Variants in PAK1 observed in about 807,000 individuals in gnomAD.
The protein encoded by PAK1 is p21 (RAC1) activated kinase 1.
A neutral mutation model predicts 67.4 loss-of-function variants in PAK1; 29 were observed. The ratio of observed to expected loss-of-function variants is 0.43; its 90% CI spans 0.32 to 0.59. The LOEUF is 0.59. Ranked by LOEUF, PAK1 falls within the 20% of genes least tolerant of loss-of-function variation. PAK1 has a pLI of 0.07. For missense variants in PAK1, 337 were observed against 670.7 expected (o/e 0.50, Z 5.50); for synonymous variants, 223 against 237.4 (o/e 0.94, Z 0.56).
At chr11:77,528,626 T>A in the PAK1 span, among the ~76,000 whole-genome samples, 2 of 152,224 alleles carry the variant, frequency 1.3e-5, no homozygotes, top group Non-Finnish European at 2.9e-5. Flanking sequence ...ATTACAGGCA[T>A]CAGCCACCAC....
intron 1 of PAK1, among the ~76,000 whole-genome samples, chr11:77,461,373 G>A (rs998797632): frequency 1.3e-5 from 2 of 152,164 alleles, no homozygotes; most frequent in Non-Finnish European, 1.5e-5. Flanking sequence ...ATCAGCTGAC[G>A]TTAAGTAAAG....
chr11:77,350,184 T>C (rs1945040393), intron 8 of PAK1, among the ~76,000 whole-genome samples: 1 of 152,198 alleles, frequency 6.6e-6, no homozygotes, highest in Non-Finnish European at 1.5e-5. Context: ...CAACAGGATA[T>C]GTGAATTTTG....
At chr11:77,399,873 A>AAG (rs1952412931) in intron 1 of PAK1, among the ~76,000 whole-genome samples, 1 of 148,876 alleles carries the variant, frequency 6.7e-6, no homozygotes, top group African/African-American at 2.5e-5. Flanking sequence ...AAAAAAAAAA[A>AAG]AAAAAAAAAA....
intron 1 of PAK1, among the ~76,000 whole-genome samples, chr11:77,407,978 A>T (rs1953877419): frequency 6.6e-6 from 1 of 151,926 alleles, no homozygotes; most frequent in Admixed American, 6.6e-5. Flanking sequence ...ATATAGGAAA[A>T]CTCTTTGTAC....
chr11:77,339,914 C>A (rs1431422669), intron 11 of PAK1, among the ~76,000 whole-genome samples: 1 of 151,996 alleles, frequency 6.6e-6, no homozygotes, highest in African/African-American at 2.4e-5. Flanking sequence ...CAGCAAAACA[C>A]CCAATATCCT....
chr11:77,356,931 A>C (rs1946110866), intron 6 of PAK1, among the ~76,000 whole-genome samples: 1 of 152,194 alleles, frequency 6.6e-6, no homozygotes, highest in African/African-American at 2.4e-5. Flanking sequence ...TATTTAACAG[A>C]TTTTATCATA....
At chr11:77,359,057 G>A (rs1303388117) in intron 5 of PAK1, 40 bp from the exon 6 acceptor site, 1 of 1,595,950 alleles carries the variant, frequency 6.3e-7, no homozygotes. Flanking sequence ...TGGTCCAGCT[G>A]CCATGGAACT....
the PAK1 span, among the ~76,000 whole-genome samples, chr11:77,527,222 C>T: frequency 6.6e-6 from 1 of 152,088 alleles, no homozygotes; most frequent in Non-Finnish European, 1.5e-5. Context: ...CCCATCTCAG[C>T]CTCCTGAGTA....
At chr11:77,331,821 AAAG>A (rs1384484330) in intron 14 of PAK1, among the ~76,000 whole-genome samples, 1 of 151,652 alleles carries the variant, frequency 6.6e-6, no homozygotes, top group Non-Finnish European at 1.5e-5. Context: ...AATTAAAAAA[AAAG>A]AAAGAAAAAT....
At chr11:77,451,147 T>C (rs1249202452) in intron 1 of PAK1, among the ~76,000 whole-genome samples, 1 of 152,236 alleles carries the variant, frequency 6.6e-6, no homozygotes, top group African/African-American at 2.4e-5. Context: ...GCCACCACTT[T>C]GATTCTTTAT....
At chr11:77,458,164 T>G (rs1957163497) in intron 1 of PAK1, among the ~76,000 whole-genome samples, 1 of 152,182 alleles carries the variant, frequency 6.6e-6, no homozygotes, top group South Asian at 2.1e-4. Flanking sequence ...CTTAGTAAAT[T>G]TTTTTAAAAT....
At chr11:77,407,385 G>C (rs1381399202) in intron 1 of PAK1, among the ~76,000 whole-genome samples, 1 of 152,130 alleles carries the variant, frequency 6.6e-6, no homozygotes, top group Non-Finnish European at 1.5e-5. Context: ...GGAGGATTGA[G>C]GTTCAATCCT....
At chr11:77,404,569 T>C (rs1953194502) in intron 1 of PAK1, among the ~76,000 whole-genome samples, 1 of 152,122 alleles carries the variant, frequency 6.6e-6, no homozygotes, top group Non-Finnish European at 1.5e-5. Flanking sequence ...ACCCGGCCAA[T>C]GAGCTTACTT....
At chr11:77,471,102 G>A (rs1957832411) in intron 1 of PAK1, among the ~76,000 whole-genome samples, 1 of 152,146 alleles carries the variant, frequency 6.6e-6, no homozygotes. Flanking sequence ...CCTGCTATAT[G>A]CAGTCACTAT....
intron 1 of PAK1, among the ~76,000 whole-genome samples, chr11:77,426,277 A>G (rs1051061314): frequency 6.6e-6 from 1 of 152,026 alleles, no homozygotes; most frequent in Non-Finnish European, 1.5e-5. Context: ...TGAAGGTTAT[A>G]TAAGATAATG....
At position 77,326,685 on chromosome 11, in the gene PAK1, G is replaced by A. The variant is rs1417460924; in HGVS notation, c.1552-3325C>T. 5.3e-5 allele frequency among the ~76,000 whole-genome samples: 8 copies of A among 152,080 alleles called. No individual in the cohort carries two copies. The South Asian group carries it at 1.0e-3, about 20-fold the overall frequency. On this transcript the variant is annotated intron_variant, in intron 14 of 14. Transcript: ENST00000356341. ...GGGCAACAGAGAGAGATCCTGTCTC[G>A]AAAAAACAGAGCAGAAAAACTGGAA...
At chr11:77,497,790 C>G in the PAK1 span, among the ~76,000 whole-genome samples, 17 of 152,194 alleles carry the variant, frequency 1.1e-4, no homozygotes, top group Non-Finnish European at 2.4e-4. Context: ...GTTTCCTTTG[C>G]ATTTTCTGAC....
At chr11:77,477,726 G>C (rs1958074768), upstream of PAK1, among the ~76,000 whole-genome samples, 1 of 152,054 alleles carries the variant, frequency 6.6e-6, no homozygotes, top group Non-Finnish European at 1.5e-5. Flanking sequence ...TTGCACTTCA[G>C]TCTGGGCGAC....
intron 1 of PAK1, among the ~76,000 whole-genome samples, chr11:77,416,565 A>G (rs572135653): frequency 2.0e-5 from 3 of 152,290 alleles, no homozygotes; most frequent in South Asian, 2.1e-4. Flanking sequence ...ACTTTTTTTT[A>G]TAAGTAGGAG....
Sources: gnomAD v4.1 joint callset for allele counts (sites outside exome capture counted in the v4.1 genomes callset) on GRCh38, gnomAD v4.1.1 for gene constraint, MANE v1.5 for transcripts, NCBI Gene and HGNC (gene_info 2026-07-23, HGNC 2026-07-21) for gene names.